Variants in FTCDNL1 observed in about 807,000 individuals in gnomAD.
FTCDNL1 encodes formiminotransferase N-terminal subdomain-containing protein.
Under a neutral mutation model 5.9 loss-of-function variants are expected in FTCDNL1, and 11 were observed. That is an observed-to-expected ratio of 1.87 (90% CI 1.18 to 3.10). The LOEUF (loss-of-function observed/expected upper bound fraction) is 3.10, where lower values mean the gene tolerates loss of function less well. Ranked by LOEUF, FTCDNL1 falls within the 30% of genes most tolerant of loss-of-function variation. FTCDNL1 has a pLI of 0.00. For missense variants in FTCDNL1, 115 were observed against 65.5 expected, an observed-to-expected ratio of 1.76 and a Z score of -2.61; for synonymous variants, 58 against 24.8, an observed-to-expected ratio of 2.34 and a Z score of -3.99.
the FTCDNL1 span, among the ~76,000 whole-genome samples, chr2:199,736,825 CA>C: frequency 6.6e-6 from 1 of 152,174 alleles, no homozygotes; most frequent in Non-Finnish European, 1.5e-5. Flanking sequence ...CCAACCCAGT[CA>C]AAGCAATAGT....
chr2:199,779,197 C>T (rs926315062), intron 3 of FTCDNL1, among the ~76,000 whole-genome samples: 4 of 152,162 alleles, frequency 2.6e-5, no homozygotes, highest in African/African-American at 4.8e-5. Context: ...TTGGCTCTAT[C>T]GGCTGGGCAA....
At chr2:199,721,071 G>C in the FTCDNL1 span, among the ~76,000 whole-genome samples, 3 of 152,100 alleles carry the variant, frequency 2.0e-5, no homozygotes, top group Non-Finnish European at 4.4e-5. Context: ...AATAAATACA[G>C]TTCATAAATT....
chr2:199,808,818 G>C (rs909435091), downstream of FTCDNL1, among the ~76,000 whole-genome samples: 1 of 152,188 alleles, frequency 6.6e-6, no homozygotes, highest in African/African-American at 2.4e-5. Context: ...TATTCCCCTA[G>C]TTGGGGAGGG....
At chr2:199,764,651 G>A (rs923093527) in intron 3 of FTCDNL1, among the ~76,000 whole-genome samples, 1 of 152,172 alleles carries the variant, frequency 6.6e-6, no homozygotes, top group Non-Finnish European at 1.5e-5. Context: ...TGGAGAGGTA[G>A]TAAAAGCTGC....
chr2:199,704,559 T>C, the FTCDNL1 span, among the ~76,000 whole-genome samples: 1 of 152,000 alleles, frequency 6.6e-6, no homozygotes, highest in Non-Finnish European at 1.5e-5. Flanking sequence ...GACTTGTAAG[T>C]GTGTGCAGGA....
chr2:199,734,005 T>A, the FTCDNL1 span, among the ~76,000 whole-genome samples: 1 of 152,150 alleles, frequency 6.6e-6, no homozygotes, highest in Non-Finnish European at 1.5e-5. Context: ...GGAAGTATGC[T>A]TCAAACATAA....
chr2:199,834,071 T>C (rs1284059341), intron 3 of FTCDNL1, among the ~76,000 whole-genome samples: 2 of 152,202 alleles, frequency 1.3e-5, no homozygotes, highest in African/African-American at 2.4e-5. Flanking sequence ...AATAGGGTCA[T>C]TGCAGATGTA....
chr2:199,803,915 T>G (rs1012959550), intron 3 of FTCDNL1, among the ~76,000 whole-genome samples: 3 of 152,214 alleles, frequency 2.0e-5, no homozygotes, highest in Non-Finnish European at 4.4e-5. Context: ...GTGAAAATCA[T>G]GTAATAACTA....
the FTCDNL1 span, among the ~76,000 whole-genome samples, chr2:199,704,264 G>T: frequency 6.6e-6 from 1 of 152,058 alleles, no homozygotes; most frequent in Admixed American, 6.6e-5. Context: ...TCTGTCCTTG[G>T]CATGAATAAA....
the FTCDNL1 span, among the ~76,000 whole-genome samples, chr2:199,685,604 A>G: frequency 6.6e-6 from 1 of 152,184 alleles, no homozygotes; most frequent in African/African-American, 2.4e-5. Context: ...ATAAGAAGAA[A>G]AATTAAGGAA....
At chr2:199,753,589 G>T in the FTCDNL1 span, among the ~76,000 whole-genome samples, 5 of 152,242 alleles carry the variant, frequency 3.3e-5, no homozygotes, top group Admixed American at 6.5e-5. Context: ...GATGGAACAA[G>T]CGTGGTCACT....
intron 3 of FTCDNL1, among the ~76,000 whole-genome samples, chr2:199,779,646 G>C (rs1699261702): frequency 2.0e-5 from 3 of 152,222 alleles, no homozygotes. Context: ...ATCTTGGAGA[G>C]CAATGTCAGG....
the FTCDNL1 span, among the ~76,000 whole-genome samples, chr2:199,731,843 C>G: frequency 6.6e-6 from 1 of 151,302 alleles, no homozygotes; most frequent in East Asian, 1.9e-4. Flanking sequence ...AGCCGAGATC[C>G]CGCCACTGCA....
At chr2:199,694,651 A>G in the FTCDNL1 span, among the ~76,000 whole-genome samples, 5 of 152,070 alleles carry the variant, frequency 3.3e-5, no homozygotes, top group Non-Finnish European at 7.4e-5. Flanking sequence ...CATAGTGAGA[A>G]CCCATCTCTG....
chr2:199,730,605 C>A, the FTCDNL1 span, among the ~76,000 whole-genome samples: 2 of 152,246 alleles, frequency 1.3e-5, no homozygotes, highest in African/African-American at 4.8e-5. Flanking sequence ...CTCATCTTCA[C>A]TGGTCATTAG....
At chr2:199,760,712 CTG>C (rs974198883) in exon 4 of FTCDNL1, 70 of 689,568 alleles carry the variant, frequency 1.0e-4, no homozygotes, top group Admixed American at 9.1e-4. Flanking sequence ...TTAAATGGTA[CTG>C]TGTGTTGGTT....
At chr2:199,769,580 T>C (rs186151924) in intron 3 of FTCDNL1, among the ~76,000 whole-genome samples, 1 of 152,332 alleles carries the variant, frequency 6.6e-6, no homozygotes, top group Admixed American at 6.5e-5. Context: ...AACAGACTAA[T>C]ACAAGGAGAG....
chr2:199,812,591 G>T lies in FTCDNL1; in HGVS notation c.*114C>A. The T allele has an allele frequency of 2.0e-6, 1 of 496,370 alleles. No individual in the cohort carries two copies. The highest frequency in any genetic ancestry group is 3.2e-5 in the South Asian group (1 of 30,862). 30.7% of individuals were successfully genotyped at this position (496,370 alleles called of 1,614,324 possible). A position where few individuals can be genotyped will look rare whatever the true frequency, so the allele number is the denominator to read the frequency against. ...ACCTGATGTGAAAGTTTGTTTCTCA[G>T]TTTGCAGTTTCGCTCCACTCCCGCC... On this transcript the variant is annotated 3_prime_UTR_variant, in exon 5 of 5. Coordinates refer to ENST00000420128, the MANE Select transcript of FTCDNL1 (RefSeq NM_001363886.2).
Position 199,776,958 on chromosome 2 carries a change from ATGTGTGTGTGTGTGTGTGTGTG to A in FTCDNL1, c.212-16145_212-16124del, listed in dbSNP as rs56145074. Among the ~76,000 whole-genome samples, 105 of 136,212 alleles carry A rather than the reference ATGTGTGTGTGTGTGTGTGTGTG, an allele frequency of 7.7e-4. 2 individuals are homozygous for A. In the South Asian group the frequency reaches 0.023, roughly 30 times the overall value. 89.4% of individuals were successfully genotyped at this position (136,212 alleles called of 152,430 possible). A position where few individuals can be genotyped will look rare whatever the true frequency, so the allele number is the denominator to read the frequency against. ...CACACACACACAGAGATGTGTGTATATGTGTGTGTGTGTGTGTGTGTGTGTGTGTGTGTGTGTGTGTGTGTGT... is the reference window on the plus strand; with the variant it reads ...CACACACACACAGAGATGTGTGTATATGTGTGTGTGTGTGTGTGTGTGTGT... On this transcript the variant is annotated intron_variant, in intron 3 of 3. Coordinates refer to the FTCDNL1 transcript ENST00000416668.
Sources: allele counts gnomAD v4.1 joint callset (sites outside exome capture counted in the v4.1 genomes callset), GRCh38; gene constraint gnomAD v4.1.1; transcripts MANE v1.5; gene names NCBI Gene and HGNC (gene_info 2026-07-23, HGNC 2026-07-21).